Variants in BAALC observed in about 807,000 individuals in gnomAD.
BAALC encodes BAALC binder of MAP3K1 and KLF4.
In BAALC, 9 loss-of-function variants were observed where a neutral mutation model predicts 15.5. The observed-to-expected ratio is 0.58, with a 90% CI of 0.35 to 1.02. The LOEUF is 1.02. Among genes scored for constraint, BAALC ranks in the 50% least tolerant of loss-of-function variants. The pLI, the probability that BAALC is intolerant of heterozygous loss-of-function variation, is 0.02. For synonymous variants in BAALC, 80 were observed against 74.6 expected (o/e 1.07, Z -0.37); for missense variants, 201 against 192.4 (o/e 1.04, Z -0.27).
chr8:103,219,896 A>G (rs1463468076), intron 2 of BAALC, among the ~76,000 whole-genome samples: 1 of 152,204 alleles, frequency 6.6e-6, no homozygotes, highest in Non-Finnish European at 1.5e-5. Flanking sequence ...TTTGGGAAGG[A>G]AGAGAGGATA....
At chr8:103,154,172 C>T (rs1442272571) in intron 1 of BAALC, among the ~76,000 whole-genome samples, 1 of 152,158 alleles carries the variant, frequency 6.6e-6, no homozygotes, top group Non-Finnish European at 1.5e-5. Flanking sequence ...ATTGGGTGCT[C>T]AGCATGTGCC....
chr8:103,187,657 G>C (rs543441397), intron 1 of BAALC, among the ~76,000 whole-genome samples: 1 of 152,222 alleles, frequency 6.6e-6, no homozygotes, highest in South Asian at 2.1e-4. Flanking sequence ...CATCTCTTTG[G>C]GGTCAGGTTG....
chr8:103,229,367 G>A lies in BAALC; in HGVS notation c.*1268G>A, dbSNP rs547792489. On this transcript the variant is annotated 3_prime_UTR_variant, in exon 3 of 3. Transcript: ENST00000309982. ...TAGCAGAAATAGGCAGCCTATTGGT[G>A]TTATGTTTATGTAACATAGTCCAGA... 4 of 152,272 alleles carry A rather than the reference G, an allele frequency of 2.6e-5. No individual in the cohort carries two copies. The highest frequency in any genetic ancestry group is 2.1e-4 in the South Asian group (1 of 4,820). 9.4% of individuals were successfully genotyped at this position (152,272 alleles called of 1,614,324 possible).
chr8:103,142,638 C>T (rs1810804459), intron 1 of BAALC, among the ~76,000 whole-genome samples: 1 of 152,086 alleles, frequency 6.6e-6, no homozygotes, highest in South Asian at 2.1e-4. Flanking sequence ...ACCAAAACCC[C>T]GTAAGTACAG....
intron 1 of BAALC, chr8:103,141,274 C>T (rs371578944): frequency 1.1e-4 from 56 of 498,370 alleles, no homozygotes; most frequent in African/African-American, 9.3e-4. Context: ...GCCGATGCCC[C>T]AGCTTCCAGC....
intron 1 of BAALC, among the ~76,000 whole-genome samples, chr8:103,178,056 T>C (rs1457863057): frequency 6.6e-6 from 1 of 152,224 alleles, no homozygotes; most frequent in East Asian, 1.9e-4. Context: ...GGTCTTGTCA[T>C]TGGAGCTCAG....
chr8:103,180,443 T>C (rs1181083785), intron 1 of BAALC, among the ~76,000 whole-genome samples: 1 of 152,164 alleles, frequency 6.6e-6, no homozygotes, highest in Admixed American at 6.5e-5. Flanking sequence ...AACAAAAATT[T>C]GGCAGAGCAT....
rs139745686 is a variant in BAALC, at chr8:103,141,454, C to T, written c.160+397C>T. 6.5e-3 allele frequency: 1,206 copies of T among 186,584 alleles called. 23 individuals carry two copies. The highest frequency in any genetic ancestry group is 0.027 in the African/African-American group (1,157 of 42,742). 11.6% of individuals were successfully genotyped at this position (186,584 alleles called of 1,614,324 possible). ...CCATCTGCCATCCCCTGGCCACCTG[C>T]GTACCCAGCCGGGTGACTTCTCATC... On this transcript the variant is annotated intron_variant, in intron 1 of 2. Transcript: ENST00000309982.
intron 1 of BAALC, among the ~76,000 whole-genome samples, chr8:103,173,404 A>G (rs958453766): frequency 2.6e-5 from 4 of 152,188 alleles, no homozygotes; most frequent in Admixed American, 2.6e-4. Context: ...CTTCAAGACT[A>G]TTGAAGGAAT....
intron 2 of BAALC, among the ~76,000 whole-genome samples, chr8:103,220,546 T>A (rs1812654520): frequency 6.6e-6 from 1 of 152,152 alleles, no homozygotes; most frequent in South Asian, 2.1e-4. Context: ...ATACTATAAA[T>A]GAATGAAATA....
chr8:103,156,652 T>C (rs1194724387), intron 1 of BAALC, among the ~76,000 whole-genome samples: 2 of 152,242 alleles, frequency 1.3e-5, no homozygotes, highest in African/African-American at 4.8e-5. Flanking sequence ...GGAATAATTA[T>C]CTCACTGTGT....
intron 1 of BAALC, among the ~76,000 whole-genome samples, chr8:103,150,996 TA>T (rs1260590631): frequency 1.3e-5 from 2 of 150,442 alleles, no homozygotes; most frequent in African/African-American, 4.9e-5. Context: ...GATAATATAA[TA>T]GTTGCAATGT....
chr8:103,159,491 TCTCAGTTTCTCCC>T (rs1811174525), intron 1 of BAALC, among the ~76,000 whole-genome samples: 1 of 152,306 alleles, frequency 6.6e-6, no homozygotes, highest in East Asian at 1.9e-4. Flanking sequence ...AATGATCAGT[TCTCAGTTTCTCCC>T]CTAGTATCCT....
intron 2 of BAALC, among the ~76,000 whole-genome samples, chr8:103,225,944 A>G (rs1044689961): frequency 2.6e-5 from 4 of 152,260 alleles, no homozygotes; most frequent in Admixed American, 2.0e-4. Context: ...GCTAATAAAT[A>G]CAACAGAACA....
chr8:103,193,033 A>G (rs574446479), intron 1 of BAALC, among the ~76,000 whole-genome samples: 1 of 151,692 alleles, frequency 6.6e-6, no homozygotes, highest in South Asian at 2.1e-4. Context: ...GAACTCCACG[A>G]TCTGCAACCC....
intron 1 of BAALC, among the ~76,000 whole-genome samples, chr8:103,160,584 C>T (rs1444277676): frequency 2.0e-5 from 3 of 152,008 alleles, no homozygotes; most frequent in East Asian, 3.9e-4. Context: ...TAATTTATTG[C>T]TGGGTGGCTG....
intron 1 of BAALC, among the ~76,000 whole-genome samples, chr8:103,144,238 A>G (rs6998012): frequency 0.14 from 21,529 of 152,234 alleles, 1,663 homozygotes; most frequent in Middle Eastern, 0.19. Flanking sequence ...CAGTTCCACA[A>G]AGAAGAAGGT....
intron 1 of BAALC, among the ~76,000 whole-genome samples, chr8:103,172,455 A>G (rs891950798): frequency 1.4e-5 from 2 of 138,802 alleles, no homozygotes; most frequent in Admixed American, 7.9e-5. Context: ...GGAGTACAGT[A>G]CAGTGACATG....
intron 1 of BAALC, among the ~76,000 whole-genome samples, chr8:103,205,278 G>A (rs979136028): frequency 6.6e-6 from 1 of 152,136 alleles, no homozygotes; most frequent in African/African-American, 2.4e-5. Flanking sequence ...GCTTTGGCTT[G>A]GCAAGGAATC....
Sources: gnomAD v4.1 joint callset for allele counts (sites outside exome capture counted in the v4.1 genomes callset) on GRCh38, gnomAD v4.1.1 for gene constraint, MANE v1.5 for transcripts, NCBI Gene and HGNC (gene_info 2026-07-23, HGNC 2026-07-21) for gene names.